Variants in ITPKB observed in about 807,000 individuals in gnomAD.
ITPKB encodes the protein inositol-trisphosphate 3-kinase B.
ITPKB carries 13 observed loss-of-function variants against 69.4 expected under a neutral mutation model. The observed-to-expected ratio is 0.19, with a 90% CI of 0.12 to 0.30. ITPKB has a LOEUF of 0.30. Among genes scored for constraint, ITPKB ranks in the 10% least tolerant of loss-of-function variants. The probability of loss-of-function intolerance (pLI) is 1.00; values close to 1 mark genes in which losing one functional copy is unlikely to be tolerated. For synonymous variants in ITPKB, 584 were observed against 513.7 expected, an observed-to-expected ratio of 1.14 and a Z score of -1.85; for missense variants, 1,240 against 1,250.5, an observed-to-expected ratio of 0.99 and a Z score of 0.13.
chr1:226,649,402 G>C (rs934906072), intron 2 of ITPKB, among the ~76,000 whole-genome samples: 15 of 143,138 alleles, frequency 1.0e-4, no homozygotes, highest in African/African-American at 3.3e-4. Context: ...ATGAGTGTGT[G>C]TGCATGTGTG....
intron 2 of ITPKB, among the ~76,000 whole-genome samples, chr1:226,692,818 T>C (rs1656389449): frequency 6.6e-6 from 1 of 152,166 alleles, no homozygotes; most frequent in Non-Finnish European, 1.5e-5. Flanking sequence ...TACCAACTTC[T>C]TTAAAAAAAG....
At chr1:226,677,969 G>A (rs570373887) in intron 2 of ITPKB, among the ~76,000 whole-genome samples, 10 of 152,196 alleles carry the variant, frequency 6.6e-5, no homozygotes, top group Admixed American at 1.3e-4. Context: ...CAGGTATTTC[G>A]CGTGCATTAT....
At position 226,736,776 on chromosome 1, in the gene ITPKB, G is replaced by A. The variant is rs746982540; in HGVS notation, c.683C>T (p.Ser228Leu). The stretch of plus-strand genomic sequence containing the variant: ...AGGTGGCATTCCTTTCTTCACCTGC[G>A]AGGAGCATAGGCTGGGCCCTCCTTT... ...GRKGGPSLCS[S>L]QVKKGMPPLP... Residue 228 changes from serine to leucine, a missense_variant, in exon 2 of 8, where the codon TCG (serine) becomes TTG (leucine). Ser to Leu is a moderately radical substitution (Grantham distance 145, BLOSUM62 -2). Transcript: ENST00000429204. The A allele has an allele frequency of 5.5e-5, 88 of 1,612,982 alleles. No homozygotes were observed. Among genetic ancestry groups the A allele is most frequent in the Non-Finnish European group, 7.2e-5 (85 of 1,180,030 alleles).
chr1:226,640,687 C>T (rs541729789), intron 5 of ITPKB, among the ~76,000 whole-genome samples: 1 of 152,096 alleles, frequency 6.6e-6, no homozygotes, highest in East Asian at 1.9e-4. Flanking sequence ...GAAAGGAAAG[C>T]GAGCGTTAAG....
At chr1:226,700,724 C>T (rs1414954573) in intron 2 of ITPKB, among the ~76,000 whole-genome samples, 2 of 152,144 alleles carry the variant, frequency 1.3e-5, no homozygotes, top group African/African-American at 4.8e-5. Context: ...GAGCCTGCTT[C>T]TTCTTCCCAA....
chr1:226,659,582 C>T (rs1669362113), intron 2 of ITPKB: 1 of 152,228 alleles, frequency 6.6e-6, no homozygotes, highest in African/African-American at 2.4e-5. Context: ...GCAAGCTGGC[C>T]CTACCTTGTC....
intron 2 of ITPKB, among the ~76,000 whole-genome samples, chr1:226,703,625 C>T (rs1396848388): frequency 2.0e-5 from 3 of 152,334 alleles, no homozygotes; most frequent in South Asian, 4.1e-4. Context: ...GACGGGAAGG[C>T]GGCCGCCCCT....
chr1:226,712,957 G>C (rs576744352), intron 2 of ITPKB, among the ~76,000 whole-genome samples: 1 of 150,558 alleles, frequency 6.6e-6, no homozygotes, highest in South Asian at 2.1e-4. Flanking sequence ...GTGGGTGTAC[G>C]CATGTGCCCA....
rs887708061 is a variant in ITPKB, at chr1:226,736,047, G to A, written c.1412C>T (p.Pro471Leu). 5.6e-6 allele frequency: 9 copies of A among 1,613,412 alleles called. No homozygotes were observed. The highest frequency in any genetic ancestry group is 7.6e-6 in the Non-Finnish European group (9 of 1,180,012). ...PGTGNVEAGI[P>L]SGRMLEPLPC... ...CAAAGGCTCCAGCATTCTGCCAGAA[G>A]GAATTCCCGCCTCCACATTCCCGGT... The change falls in exon 2 of 8, where the codon CCT becomes CTT. Residue 471 changes from proline (P) to leucine (L), a missense_variant. Pro to Leu is a moderately conservative substitution (Grantham distance 98). Around this residue, in one of 2 missense-constraint regions of ITPKB, gnomAD observed 992 missense variants for 853.8 expected, o/e 1.16. Coordinates refer to ENST00000429204, the MANE Select transcript of ITPKB (RefSeq NM_002221.4).
chr1:226,658,858 T>C (rs1669347424), intron 2 of ITPKB, among the ~76,000 whole-genome samples: 1 of 152,040 alleles, frequency 6.6e-6, no homozygotes, highest in African/African-American at 2.4e-5. Context: ...GATGGGTCCT[T>C]ACCAGCCCCT....
At chr1:226,696,025 C>T (rs1047178250) in intron 2 of ITPKB, among the ~76,000 whole-genome samples, 1 of 152,206 alleles carries the variant, frequency 6.6e-6, no homozygotes, top group African/African-American at 2.4e-5. Flanking sequence ...TATGCTGCTT[C>T]TTCTTCCATT....
chr1:226,731,921 A>C (rs1170844146), intron 2 of ITPKB, among the ~76,000 whole-genome samples: 1 of 152,158 alleles, frequency 6.6e-6, no homozygotes, highest in Non-Finnish European at 1.5e-5. Context: ...ATTCACCAAC[A>C]GATGCATTTT....
chr1:226,699,064 AC>A (rs1316914216), intron 2 of ITPKB, among the ~76,000 whole-genome samples: 1 of 151,556 alleles, frequency 6.6e-6, no homozygotes, highest in Non-Finnish European at 1.5e-5. Flanking sequence ...GCCTCCCCTC[AC>A]CCCCACTACC....
intron 2 of ITPKB, among the ~76,000 whole-genome samples, chr1:226,689,870 G>A (rs1352458923): frequency 6.6e-6 from 1 of 152,092 alleles, no homozygotes; most frequent in Non-Finnish European, 1.5e-5. Context: ...TGCAGTATTT[G>A]GTTTTCGGTT....
At chr1:226,733,767 C>T (rs983653734) in intron 2 of ITPKB, among the ~76,000 whole-genome samples, 2 of 152,210 alleles carry the variant, frequency 1.3e-5, no homozygotes, top group African/African-American at 4.8e-5. Flanking sequence ...CACCACTTAA[C>T]CCTCTGGTTT....
intron 2 of ITPKB, among the ~76,000 whole-genome samples, chr1:226,690,409 AATTCT>A (rs1656320523): frequency 6.6e-6 from 1 of 152,182 alleles, no homozygotes. Context: ...ACAACAAAGA[AATTCT>A]GAGACTGGTC....
rs769999928 is a variant in ITPKB at position 226,736,189 on chromosome 1, C to T, written c.1270G>A (p.Glu424Lys). 6.7e-5 allele frequency: 103 copies of T among 1,544,054 alleles called. No homozygotes were observed. The highest frequency in any genetic ancestry group is 7.8e-5 in the Non-Finnish European group (90 of 1,147,458). ...LPRALASVGP[E>K]EARSGAPVGG... ...ACGGGGGCCCCACTTCGGGCCTCCT[C>T]AGGGCCTACGGAGGCCAGGGCCCTG... is the stretch of plus-strand genomic sequence containing the variant. Residue 424 changes from glutamate to lysine, a missense_variant, in exon 2 of 8, where the codon GAG (glutamate) becomes AAG (lysine). Around this residue, in one of 2 missense-constraint regions of ITPKB, gnomAD observed 992 missense variants for 853.8 expected, o/e 1.16. Transcript: ENST00000429204.
intron 2 of ITPKB, among the ~76,000 whole-genome samples, chr1:226,666,245 G>A (rs931944861): frequency 9.2e-5 from 14 of 152,154 alleles, no homozygotes; most frequent in South Asian, 2.1e-4. Context: ...GGTGCCTGTC[G>A]TGGCAGCAAT....
chr1:226,709,405 C>T (rs1656886586), intron 2 of ITPKB, among the ~76,000 whole-genome samples: 1 of 152,174 alleles, frequency 6.6e-6, no homozygotes, highest in Non-Finnish European at 1.5e-5. Flanking sequence ...TGTCTGGCCT[C>T]TCCAGGTCTC....
Sources: gnomAD v4.1 joint callset for allele counts (sites outside exome capture counted in the v4.1 genomes callset) on GRCh38, gnomAD v4.1.1 for gene constraint, gnomAD v4.1.1 regional missense constraint, MANE v1.5 for transcripts, NCBI Gene and HGNC (gene_info 2026-07-23, HGNC 2026-07-21) for gene names.